The following PTPRT variants were observed in gnomAD, a reference collection of about 807,000 sequenced individuals.
PTPRT encodes receptor-type tyrosine-protein phosphatase T.
In PTPRT, 56 loss-of-function variants were observed where a neutral mutation model predicts 176.8. That is an observed-to-expected ratio of 0.32 (90% CI 0.26 to 0.40). The LOEUF (loss-of-function observed/expected upper bound fraction) is 0.40, where lower values mean the gene tolerates loss of function less well. Among genes scored for constraint, PTPRT ranks in the 10% least tolerant of loss-of-function variants. The pLI is 1.00. For missense variants in PTPRT, 1,540 were observed against 1,908.2 expected, an observed-to-expected ratio of 0.81 and a Z score of 3.60; for synonymous variants, 783 against 739.0, an observed-to-expected ratio of 1.06 and a Z score of -0.96.
intron 18 of PTPRT, among the ~76,000 whole-genome samples, chr20:42,129,323 C>T (rs1309829791): frequency 6.6e-6 from 1 of 152,104 alleles, no homozygotes; most frequent in Non-Finnish European, 1.5e-5. Flanking sequence ...ATATTGTTAT[C>T]AATACTATCA....
At chr20:43,042,508 ACT>A (rs1986648797) in intron 1 of PTPRT, among the ~76,000 whole-genome samples, 1 of 151,438 alleles carries the variant, frequency 6.6e-6, no homozygotes, top group South Asian at 2.1e-4. Flanking sequence ...AAACGGCAAA[ACT>A]CTGTTCCCAC....
chr20:43,113,185 C>G (rs1418542513), intron 1 of PTPRT, among the ~76,000 whole-genome samples: 1 of 152,100 alleles, frequency 6.6e-6, no homozygotes, highest in East Asian at 1.9e-4. Flanking sequence ...CTTCTCTCAT[C>G]AAGGGAAGGG....
intron 1 of PTPRT, among the ~76,000 whole-genome samples, chr20:42,933,299 G>T (rs1428066895): frequency 6.6e-6 from 1 of 152,136 alleles, no homozygotes; most frequent in African/African-American, 2.4e-5. Context: ...GCTCAGAAAG[G>T]CCTTTATTTA....
In PTPRT at chr20:42,212,377, T is replaced by G. The variant is rs146995119; in HGVS notation, c.2343-12989A>C. Among the ~76,000 whole-genome samples, 537 of 129,656 alleles carry G rather than the reference T, an allele frequency of 4.1e-3. 5 individuals carry two copies. The highest frequency in any genetic ancestry group is 0.015 in the African/African-American group (511 of 34,166). The allele number at this position is 129,656 out of a possible 152,430, so 85.1% of individuals were successfully genotyped here. On this transcript the variant is annotated intron_variant, in intron 15 of 30. Coordinates refer to ENST00000373187, the MANE Select transcript of PTPRT (RefSeq NM_007050.6). Reference sequence around the variant, plus strand: ...TCACAAAGTATAAGTACCATGCTAGTGCTAGGAAAATAAAGATGACCCAAT... The same window carrying G: ...TCACAAAGTATAAGTACCATGCTAGGGCTAGGAAAATAAAGATGACCCAAT...
At chr20:42,492,444 T>C (rs1038705467) in intron 7 of PTPRT, among the ~76,000 whole-genome samples, 3 of 152,074 alleles carry the variant, frequency 2.0e-5, no homozygotes, top group Non-Finnish European at 4.4e-5. Flanking sequence ...TGACTAATCA[T>C]GTTAAACATT....
At chr20:42,334,543 C>T (rs2058013499) in intron 11 of PTPRT, among the ~76,000 whole-genome samples, 1 of 152,162 alleles carries the variant, frequency 6.6e-6, no homozygotes, top group Non-Finnish European at 1.5e-5. Context: ...TAAAAGTAAG[C>T]ATAAATTATA....
At chr20:42,290,609 T>C (rs1005918980) in intron 12 of PTPRT, among the ~76,000 whole-genome samples, 2 of 152,164 alleles carry the variant, frequency 1.3e-5, no homozygotes, top group East Asian at 3.9e-4. Context: ...GTCTTCTTGA[T>C]ACTACTTCCT....
intron 7 of PTPRT, among the ~76,000 whole-genome samples, chr20:42,551,851 AT>A (rs1196991562): frequency 6.6e-6 from 1 of 152,120 alleles, no homozygotes; most frequent in Non-Finnish European, 1.5e-5. Context: ...GACCTTCCCC[AT>A]TCCTTGCTTG....
intron 16 of PTPRT, among the ~76,000 whole-genome samples, chr20:42,161,864 C>T (rs1273128797): frequency 2.0e-5 from 3 of 152,154 alleles, no homozygotes; most frequent in Admixed American, 6.5e-5. Flanking sequence ...AGAAGCTAGG[C>T]AGGCTATTTA....
intron 17 of PTPRT, among the ~76,000 whole-genome samples, chr20:42,147,786 G>A (rs910913179): frequency 3.9e-5 from 6 of 152,210 alleles, no homozygotes; most frequent in Non-Finnish European, 5.9e-5. Flanking sequence ...GAAGGGGACC[G>A]AGTAGGCCTG....
intron 11 of PTPRT, among the ~76,000 whole-genome samples, chr20:42,337,038 G>A (rs983138099): frequency 6.6e-6 from 1 of 152,158 alleles, no homozygotes; most frequent in South Asian, 2.1e-4. Flanking sequence ...CAAAACTGAA[G>A]AGTTTCTTTT....
chr20:42,720,683 T>G lies in PTPRT; in HGVS notation c.859+35779A>C, dbSNP rs60593370. On this transcript the variant is annotated intron_variant, in intron 6 of 30. Transcript: ENST00000373187. The stretch of plus-strand genomic sequence containing the variant: ...TACAATTCATTATCATGACTGAAGT[T>G]ATACTGGATTTTCTCCAAGCTTTCC... 4.5e-3 allele frequency among the ~76,000 whole-genome samples: 683 copies of G among 152,294 alleles called. 7 individuals carry two copies. The highest frequency in any genetic ancestry group is 0.016 in the African/African-American group (667 of 41,560).
At chr20:42,151,697 G>C (rs6102695) in intron 17 of PTPRT, among the ~76,000 whole-genome samples, 1 of 152,056 alleles carries the variant, frequency 6.6e-6, no homozygotes, top group African/African-American at 2.4e-5. Flanking sequence ...GGTATTTCTC[G>C]TTCTAGATCC....
chr20:43,081,552 T>C (rs1325583309), intron 1 of PTPRT, among the ~76,000 whole-genome samples: 3 of 152,190 alleles, frequency 2.0e-5, no homozygotes, highest in Non-Finnish European at 4.4e-5. Flanking sequence ...TCTTCCTAAT[T>C]TTTTCAAAGA....
chr20:43,064,136 C>A (rs928956665), intron 1 of PTPRT, among the ~76,000 whole-genome samples: 1 of 152,140 alleles, frequency 6.6e-6, no homozygotes, highest in Non-Finnish European at 1.5e-5. Flanking sequence ...TTCCCAGGAT[C>A]CCTTGCAGTT....
intron 1 of PTPRT, among the ~76,000 whole-genome samples, chr20:42,956,186 C>T (rs1304316551): frequency 6.6e-6 from 1 of 152,168 alleles, no homozygotes; most frequent in Admixed American, 6.5e-5. Flanking sequence ...TCTGCCCAAA[C>T]TTGGTGAGAC....
At chr20:42,062,974 C>T in the PTPRT span, among the ~76,000 whole-genome samples, 52 of 152,142 alleles carry the variant, frequency 3.4e-4, no homozygotes, top group Non-Finnish European at 1.2e-4. Context: ...TCAGAGACAG[C>T]ACATTTATTT....
intron 1 of PTPRT, among the ~76,000 whole-genome samples, chr20:42,946,708 T>C (rs1014838548): frequency 1.3e-5 from 2 of 152,200 alleles, no homozygotes; most frequent in Non-Finnish European, 2.9e-5. Flanking sequence ...GTATAATTCT[T>C]GCCCTAAATC....
intron 9 of PTPRT, among the ~76,000 whole-genome samples, chr20:42,417,875 T>A (rs12480171): frequency 0.11 from 16,302 of 151,842 alleles, 884 homozygotes; most frequent in Middle Eastern, 0.14. Context: ...GGAGTTGAGA[T>A]GACAGGCATG....
Sources: allele counts gnomAD v4.1 joint callset (sites outside exome capture counted in the v4.1 genomes callset), GRCh38; gene constraint gnomAD v4.1.1; transcripts MANE v1.5; gene names NCBI Gene and HGNC (gene_info 2026-07-23, HGNC 2026-07-21).